Variants in TTN observed in about 807,000 individuals in gnomAD.
TTN encodes titin.
Under a neutral mutation model 3,223.0 loss-of-function variants are expected in TTN, and 1,525 were observed. The ratio of observed to expected loss-of-function variants is 0.47; its 90% CI spans 0.45 to 0.49. The LOEUF (loss-of-function observed/expected upper bound fraction) is 0.49, where lower values mean the gene tolerates loss of function less well. Among genes scored for constraint, TTN ranks in the 20% least tolerant of loss-of-function variants. TTN has a pLI of 0.00. For missense variants in TTN, 40,786 were observed against 43,424.0 expected, an observed-to-expected ratio of 0.94 and a Z score of 5.40; for synonymous variants, 14,094 against 15,161.0, an observed-to-expected ratio of 0.93 and a Z score of 5.17.
At position 178,535,043 on chromosome 2, in the gene TTN, C is replaced by G. The variant is rs1060500584; in HGVS notation, c.101572G>C (p.Val33858Leu). 6.2e-7 allele frequency: 1 copy of G among 1,613,768 alleles called. No individual in the cohort carries two copies. The highest frequency in any genetic ancestry group is 1.3e-5 in the African/African-American group (1 of 74,908). Residue 33858 changes from valine to leucine, a missense_variant, in exon 358 of 363, where the codon GTT (valine) becomes CTT (leucine). By Grantham distance (32) the Val-to-Leu change is conservative. Coordinates refer to ENST00000589042, the MANE Select transcript of TTN (RefSeq NM_001267550.2). ...ATGGAAATTTCCTTCTTTACCAAAA[C>G]CTGATCAGTCCCTTTGACTTTAACA... ...KFVKVKGTDQVLVKKEISILN... is the reference protein window; with the variant it reads ...KFVKVKGTDQLLVKKEISILN...
Position 178,632,674 on chromosome 2 carries a change from G to C in TTN, c.43332C>G (p.Thr14444=), listed in dbSNP as rs759756683. The change falls in exon 235 of 363, where the codon ACC becomes ACG. Residue 14444 remains threonine (T), a synonymous_variant. Coordinates refer to ENST00000589042, the MANE Select transcript of TTN (RefSeq NM_001267550.2). ...EPKTFRWLKG[T]QEITGDDRFE... ...ATCTGTCATCACCTGTGATTTCCTG[G>C]GTTCCTTTTAGCCAACGGAATGTTT... 1 of 1,613,202 alleles carries C rather than the reference G, an allele frequency of 6.2e-7. No individual in the cohort carries two copies. Among genetic ancestry groups the C allele is most frequent in the Non-Finnish European group, 8.5e-7 (1 of 1,179,534 alleles).
chr2:178,564,965 CT>C lies in TTN; in HGVS notation c.81166del (p.Ser27056ValfsTer26). On this transcript the variant is annotated frameshift_variant, in exon 326 of 363. Coordinates refer to ENST00000589042, the MANE Select transcript of TTN (RefSeq NM_001267550.2). LOFTEE classifies it high-confidence loss of function. ...RIFAENRYGKSAPLDSKAVIV... is the reference protein window; with the variant it reads ...RIFAENRYGKXAPLDSKAVIV... The stretch of plus-strand genomic sequence containing the variant: ...AACTGCCTTAGAATCCAGTGGGGCA[CT>C]TTTTCCATACCTGTTTTCAGCAAAA... 6.2e-7 allele frequency: 1 copy of C among 1,612,006 alleles called. No homozygotes were observed. The highest frequency in any genetic ancestry group is 8.5e-7 in the Non-Finnish European group (1 of 1,178,992).
Position 178,722,832 on chromosome 2 carries a change from C to A in TTN, c.22067G>T (p.Trp7356Leu). ...CCGTAATTTGGTATCTCCTTTGTAC[C>A]AAGACACTGTAATTTCTGGTGTCCC... ...VAGTPEITVS[W>L]YKGDTKLRPT... The change falls in exon 76 of 363, where the codon TGG becomes TTG. Residue 7356 changes from tryptophan to leucine, a missense_variant. Coordinates refer to ENST00000589042, the MANE Select transcript of TTN (RefSeq NM_001267550.2). 6.2e-7 allele frequency: 1 copy of A among 1,613,134 alleles called. No homozygotes were observed. Among genetic ancestry groups the A allele is most frequent in the Non-Finnish European group, 8.5e-7 (1 of 1,179,514 alleles).
chr2:178,608,562 G>A (rs1479266759), intron 274 of TTN, 44 bp downstream of exon 274: 1 of 1,585,980 alleles, frequency 6.3e-7, no homozygotes, highest in East Asian at 2.3e-5. Context: ...ATATACCAAA[G>A]TACATGGTAA....
Position 178,568,837 on chromosome 2 carries a change from T to C in TTN, c.77295A>G (p.Glu25765=), listed in dbSNP as rs879121881. The part of the protein sequence containing the change: ...QAVITNLTQG[E]EYLFRVVAVN... ...CAGCAACAACTCTAAAAAGATATTC[T>C]TCCCCTTGAGTTAGGTTGGTAATTA... The change falls in exon 326 of 363, where the codon GAA becomes GAG. Residue 25765 remains glutamate, a synonymous_variant. Coordinates refer to ENST00000589042, the MANE Select transcript of TTN (RefSeq NM_001267550.2). 38 of 1,613,192 alleles carry C rather than the reference T, an allele frequency of 2.4e-5. No individual in the cohort carries two copies. Among genetic ancestry groups the C allele is most frequent in the Non-Finnish European group, 3.1e-5 (37 of 1,179,566 alleles).
chr2:178,721,217 A>C lies in TTN; in HGVS notation c.22817-15T>G, dbSNP rs727504821. 7 of 1,566,284 alleles carry C rather than the reference A, an allele frequency of 4.5e-6. No individual in the cohort carries two copies. The highest frequency in any genetic ancestry group is 6.1e-6 in the Non-Finnish European group (7 of 1,154,426). On this transcript the variant is annotated splice_polypyrimidine_tract_variant and intron_variant, in intron 78 of 362. Transcript: ENST00000589042. ...CTTTGGAGGTTCTAGTAAACCAAAC[A>C]AAACAGTCAGTAAGGGATATTTATT... is the stretch of plus-strand genomic sequence containing the variant.
In TTN at chr2:178,604,158, C is replaced by T; in HGVS notation, c.54529G>A (p.Ala18177Thr). The T allele has an allele frequency of 6.2e-7, 1 of 1,612,164 alleles. No individual in the cohort carries two copies. The highest frequency in any genetic ancestry group is 1.7e-5 in the Admixed American group (1 of 59,894). The change falls in exon 282 of 363, where the codon GCA (alanine) becomes ACA (threonine). Residue 18177 changes from alanine to threonine, a missense_variant. Ala to Thr is a moderately conservative substitution (Grantham distance 58). Transcript: ENST00000589042. Reference sequence around the variant, plus strand: ...ACTAGCATTGATCCTTTGGTGCGTGCCAAAACTTTTGGTTTTCCTGGAGGT... The same window carrying T: ...ACTAGCATTGATCCTTTGGTGCGTGTCAAAACTTTTGGTTTTCCTGGAGGT... Reference protein sequence around the residue: ...PGPPGKPKVLARTKGSMLVSW... With the variant: ...PGPPGKPKVLTRTKGSMLVSW...
chr2:178,761,489 A>G (rs2089186129), intron 43 of TTN, among the ~76,000 whole-genome samples: 1 of 152,236 alleles, frequency 6.6e-6, no homozygotes, highest in Non-Finnish European at 1.5e-5. Flanking sequence ...CTTCTAGCAC[A>G]TGAAGCATTA....
chr2:178,731,912 T>C lies in TTN; in HGVS notation c.16963A>G (p.Met5655Val), dbSNP rs2080601989. Reference sequence around the variant, plus strand: ...GTGCCTGCCACCTCAGCCAGCAACATGACATCGTACTCCTTTAAGACTTCA... The same window carrying C: ...GTGCCTGCCACCTCAGCCAGCAACACGACATCGTACTCCTTTAAGACTTCA... Reference protein sequence around the residue: ...PIEVLKEYDVMLLAEVAGTPP... With the variant: ...PIEVLKEYDVVLLAEVAGTPP... Residue 5655 changes from methionine to valine, a missense_variant, in exon 58 of 363, where the codon ATG becomes GTG. Physicochemically the swap from Met to Val is conservative, Grantham distance 21. Transcript: ENST00000589042. 2 of 1,613,594 alleles carry C rather than the reference T, an allele frequency of 1.2e-6. No homozygotes were observed. Among genetic ancestry groups the C allele is most frequent in the Non-Finnish European group, 1.7e-6 (2 of 1,179,724 alleles).
Position 178,589,688 on chromosome 2 carries a change from A to T in TTN, c.62037T>A (p.Asp20679Glu), listed in dbSNP as rs878956804. ...TTAGATAGACAAATGTCTTTCCTTT[A>T]TCTGCAATGTGAAGGTTTTCAGGCT... ...PGEPENLHIA[D>E]KGKTFVYLKW... The change falls in exon 304 of 363, where the codon GAT becomes GAA. Residue 20679 changes from aspartate (D) to glutamate (E), a missense_variant. Transcript: ENST00000589042. The T allele has an allele frequency of 3.7e-6, 6 of 1,613,510 alleles. No individual in the cohort carries two copies. Among genetic ancestry groups the T allele is most frequent in the East Asian group, 2.2e-5 (1 of 44,794 alleles).
chr2:178,641,324 A>C lies in TTN; in HGVS notation c.40559-9T>G. ...AGGTCTTTTTCTTAGAACTTTAAAG[A>C]CAAAAAGGTTTATATGTAAACCAAG... is the stretch of plus-strand genomic sequence containing the variant. On this transcript the variant is annotated splice_polypyrimidine_tract_variant and intron_variant, in intron 219 of 362. Transcript: ENST00000589042. 1 of 1,442,180 alleles carries C rather than the reference A, an allele frequency of 6.9e-7. No homozygotes were observed. Among genetic ancestry groups the C allele is most frequent in the East Asian group, 2.5e-5 (1 of 39,222 alleles). 89.3% of individuals were successfully genotyped at this position (1,442,180 alleles called of 1,614,324 possible).
chr2:178,583,326 A>G (rs538841012), intron 312 of TTN, 99 bp from the exon 313 acceptor site: 32 of 1,179,342 alleles, frequency 2.7e-5, no homozygotes, highest in Non-Finnish European at 3.6e-5. Flanking sequence ...TCTTTCAAGA[A>G]TGGAATTTTA....
rs371032392 is a variant in TTN, at chr2:178,573,442, T to C, written c.72690A>G (p.Glu24230=). Residue 24230 remains glutamate, a synonymous_variant, in exon 326 of 363, where the codon GAA becomes GAG. Coordinates refer to ENST00000589042, the MANE Select transcript of TTN (RefSeq NM_001267550.2). ...TCGAATCTTTAGTAATAGTTGTCAC[T>C]TCAGGGTTTTTGGGCGGATCAGGGG... ...YGPPDPPKNP[E]VTTITKDSMV... The C allele has an allele frequency of 4.6e-6, 7 of 1,517,642 alleles. No individual in the cohort carries two copies. The highest frequency in any genetic ancestry group is 1.8e-4 in the Middle Eastern group (1 of 5,646). 94.0% of individuals were successfully genotyped at this position (1,517,642 alleles called of 1,614,324 possible).
Position 178,572,293 on chromosome 2 carries a change from T to C in TTN, c.73839A>G (p.Ala24613=), listed in dbSNP as rs767996823. Residue 24613 remains alanine, a synonymous_variant, in exon 326 of 363, where the codon GCA becomes GCG. Transcript: ENST00000589042. ...TTCCTGGAGGAAGAGGTCGTTCTGATGCTTTCACAGATTCTGCGGTTTCAG... is the reference window on the plus strand; with the variant it reads ...TTCCTGGAGGAAGAGGTCGTTCTGACGCTTTCACAGATTCTGCGGTTTCAG... ...LPAETAESVK[A]SERPLPPGKI... The C allele has an allele frequency of 1.2e-6, 2 of 1,612,526 alleles. No individual in the cohort carries two copies. The highest frequency in any genetic ancestry group is 8.5e-7 in the Non-Finnish European group (1 of 1,178,818).
Position 178,740,003 on chromosome 2 carries a change from C to T in TTN, c.13230G>A (p.Glu4410=), listed in dbSNP as rs2082206259. The stretch of plus-strand genomic sequence containing the variant: ...GCCACTCAGAGAAAAGACCTGGCTG[C>T]TCGCTGGCCACGGCTGCTTGCAAAG... ...CRALQAAVAS[E]QPGLFSEWLR... The change falls in exon 48 of 363, where the codon GAG becomes GAA. Residue 4410 remains glutamate, a synonymous_variant. Transcript: ENST00000589042. The T allele has an allele frequency of 6.2e-7, 1 of 1,613,902 alleles. No individual in the cohort carries two copies. The highest frequency in any genetic ancestry group is 8.5e-7 in the Non-Finnish European group (1 of 1,179,838).
In TTN at chr2:178,542,329, G is replaced by A; in HGVS notation, c.97427C>T (p.Ala32476Val). Residue 32476 changes from alanine (A) to valine (V), a missense_variant, in exon 349 of 363, where the codon GCA becomes GTA. Ala to Val is a moderately conservative substitution (Grantham distance 64). Coordinates refer to ENST00000589042, the MANE Select transcript of TTN (RefSeq NM_001267550.2). ...AGAGCCAATCCCGAAGCGGTTTGTT[G>A]CAGCCACACGGAACACATACTCATT... ...EGNEYVFRVA[A>V]TNRFGIGSYL... The A allele has an allele frequency of 6.2e-7, 1 of 1,613,184 alleles. No homozygotes were observed. Among genetic ancestry groups the A allele is most frequent in the East Asian group, 2.2e-5 (1 of 44,712 alleles).
rs1161735211 is a variant in TTN at position 178,587,173 on chromosome 2, A to C, written c.64038T>G (p.Tyr21346Ter). 1.2e-6 allele frequency: 2 copies of C among 1,613,334 alleles called. No homozygotes were observed. Among genetic ancestry groups the C allele is most frequent in the Non-Finnish European group, 1.7e-6 (2 of 1,179,472 alleles). Residue 21346 changes from tyrosine to a stop codon, truncating the protein, a stop_gained, in exon 307 of 363, where the codon TAT (tyrosine) becomes TAG (stop). Coordinates refer to ENST00000589042, the MANE Select transcript of TTN (RefSeq NM_001267550.2). LOFTEE classifies it high-confidence loss of function. ...YYFRVTAVNE[Y>*]GPGVPTDVPK... ...GGACATCTGTTGGGACGCCAGGGCCATATTCGTTGACAGCAGTTACTCTGA... is the reference window on the plus strand; with the variant it reads ...GGACATCTGTTGGGACGCCAGGGCCCTATTCGTTGACAGCAGTTACTCTGA...
At position 178,672,675 on chromosome 2, in the gene TTN, T is replaced by C. The variant is rs1215505346; in HGVS notation, c.34815A>G (p.Val11605=). The change falls in exon 153 of 363, where the codon GTA becomes GTG. Residue 11605 remains valine (V), a synonymous_variant. Transcript: ENST00000589042. The stretch of plus-strand genomic sequence containing the variant: ...CCTCTTTTTTCTGAACAGGAACAGG[T>C]ACTTTTTCCTCAGGAATTTTCTTTG... The part of the protein sequence containing the change: ...KVSKKIPEEK[V]PVPVQKKEAP... 6.2e-7 allele frequency: 1 copy of C among 1,608,990 alleles called. No homozygotes were observed. The highest frequency in any genetic ancestry group is 8.5e-7 in the Non-Finnish European group (1 of 1,177,212).
Position 178,594,634 on chromosome 2 carries a change from C to T in TTN, c.57860G>A (p.Arg19287His), listed in dbSNP as rs371422299. 2.8e-5 allele frequency: 45 copies of T among 1,603,694 alleles called. No individual in the cohort carries two copies. The highest frequency in any genetic ancestry group is 3.3e-4 in the Middle Eastern group (2 of 5,986). ...TTCTTTGACTTCCAGGTCTTCAGGACGCTCTGGTACAGCTGCGAATATAAG... is the reference window on the plus strand; with the variant it reads ...TTCTTTGACTTCCAGGTCTTCAGGATGCTCTGGTACAGCTGCGAATATAAG... ...VIREPITVPE[R>H]PEDLEVKEVT... Residue 19287 changes from arginine to histidine, a missense_variant, in exon 296 of 363, where the codon CGT becomes CAT. Physicochemically the swap from Arg to His is conservative, Grantham distance 29. Coordinates refer to ENST00000589042, the MANE Select transcript of TTN (RefSeq NM_001267550.2).
Sources: gnomAD v4.1 joint callset for allele counts (sites outside exome capture counted in the v4.1 genomes callset) on GRCh38, gnomAD v4.1.1 for gene constraint, MANE v1.5 for transcripts, NCBI Gene and HGNC (gene_info 2026-07-23, HGNC 2026-07-21) for gene names.